ADAMTS17: variants seen among roughly 807,000 people sequenced by gnomAD.
The protein encoded by ADAMTS17 is ADAM metallopeptidase with thrombospondin type 1 motif 17, also known as A disintegrin and metalloproteinase with thrombospondin motifs 17.
In ADAMTS17, 113 loss-of-function variants were observed where a neutral mutation model predicts 141.5. The observed-to-expected ratio is 0.80, with a 90% confidence interval of 0.69 to 0.93. The LOEUF (loss-of-function observed/expected upper bound fraction) is 0.93. Ranked by LOEUF, ADAMTS17 falls within the 40% of genes least tolerant of loss-of-function variation. ADAMTS17 has a pLI of 0.00. For synonymous variants in ADAMTS17, 768 were observed against 630.6 expected (o/e 1.22, Z -3.27); for missense variants, 1,659 against 1,517.9 (o/e 1.09, Z -1.54).
At chr15:100,146,800 T>C (rs2038928540) in intron 10 of ADAMTS17, among the ~76,000 whole-genome samples, 2 of 43,762 alleles carry the variant, frequency 4.6e-5, no homozygotes, top group East Asian at 1.5e-3. Context: ...CCCCCCTGGG[T>C]GTGGTTGTCT....
intron 8 of ADAMTS17, among the ~76,000 whole-genome samples, chr15:100,175,455 A>G (rs2040305512): frequency 6.6e-6 from 1 of 152,126 alleles, no homozygotes; most frequent in South Asian, 2.1e-4. Context: ...TATGCCCCCC[A>G]GTCCCATGTT....
chr15:100,226,007 G>GC (rs1242919546), intron 7 of ADAMTS17, among the ~76,000 whole-genome samples: 6 of 139,092 alleles, frequency 4.3e-5, no homozygotes, highest in East Asian at 2.1e-4. Flanking sequence ...TAGCCTCTGT[G>GC]CCATTCAGTC....
chr15:100,148,484 G>T (rs929047997), intron 10 of ADAMTS17, among the ~76,000 whole-genome samples: 1 of 151,104 alleles, frequency 6.6e-6, no homozygotes, highest in Non-Finnish European at 1.5e-5. Flanking sequence ...AATTTTGAAA[G>T]ATATTTTTGC....
intron 13 of ADAMTS17, among the ~76,000 whole-genome samples, chr15:100,109,842 G>C (rs1596459210): frequency 6.6e-6 from 1 of 152,110 alleles, no homozygotes; most frequent in South Asian, 2.1e-4. Context: ...GCCTTCTACT[G>C]CCCTGGAAGC....
chr15:100,010,405 C>T (rs1032059424), intron 18 of ADAMTS17, among the ~76,000 whole-genome samples: 19 of 152,228 alleles, frequency 1.2e-4, no homozygotes, highest in Admixed American at 1.1e-3. Flanking sequence ...CCTTCCTTCT[C>T]TCCGTGGTGC....
At chr15:100,267,101 G>A (rs2043741550) in intron 4 of ADAMTS17, among the ~76,000 whole-genome samples, 1 of 152,068 alleles carries the variant, frequency 6.6e-6, no homozygotes, top group Non-Finnish European at 1.5e-5. Flanking sequence ...TAACCTCCAG[G>A]ACTCTTTTCA....
intron 14 of ADAMTS17, among the ~76,000 whole-genome samples, chr15:100,100,460 A>G (rs1252573606): frequency 3.3e-5 from 5 of 152,020 alleles, no homozygotes; most frequent in Non-Finnish European, 5.9e-5. Flanking sequence ...CTCCACTTTC[A>G]ATGCGACAGC....
intron 18 of ADAMTS17, among the ~76,000 whole-genome samples, chr15:100,005,205 T>C (rs960647390): frequency 2.0e-5 from 3 of 152,366 alleles, no homozygotes; most frequent in African/African-American, 7.2e-5. Flanking sequence ...CCTAATGAGA[T>C]GCCTCAGGCA....
At chr15:100,040,922 T>C (rs982720435) in intron 18 of ADAMTS17, among the ~76,000 whole-genome samples, 1 of 152,228 alleles carries the variant, frequency 6.6e-6, no homozygotes, top group Admixed American at 6.5e-5. Flanking sequence ...TTACCTATTT[T>C]ATTTTAGAAA....
intron 8 of ADAMTS17, among the ~76,000 whole-genome samples, chr15:100,172,012 A>G (rs1160426423): frequency 6.6e-6 from 1 of 152,206 alleles, no homozygotes; most frequent in Admixed American, 6.5e-5. Context: ...CACTTCCCCC[A>G]GCAACAATGT....
At chr15:100,124,127 C>A (rs2037596329) in intron 12 of ADAMTS17, among the ~76,000 whole-genome samples, 6 of 152,114 alleles carry the variant, frequency 3.9e-5, no homozygotes, top group Admixed American at 2.6e-4. Flanking sequence ...CCATGCCCGG[C>A]TAATTTTTTT....
intron 20 of ADAMTS17, among the ~76,000 whole-genome samples, chr15:99,992,245 A>G (rs1267188671): frequency 2.0e-5 from 3 of 152,152 alleles, no homozygotes; most frequent in African/African-American, 7.2e-5. Flanking sequence ...GCAAAAACCA[A>G]TGGCTCTAGG....
rs139146989 is a variant in ADAMTS17 at position 100,262,173 on chromosome 15, G to GC, written c.873+178dup. ...TTAGGGTTCCCTGAGATTCTCAACA[G>GC]CCCCCCCTCACACCATGCTTCCGGT... On this transcript the variant is annotated intron_variant, in intron 5 of 21. Coordinates refer to ENST00000268070, the MANE Select transcript of ADAMTS17 (RefSeq NM_139057.4). 7.4e-3 allele frequency among the ~76,000 whole-genome samples: 1,130 copies of GC among 152,142 alleles called. 12 individuals carry two copies. Among genetic ancestry groups the GC allele is most frequent in the African/African-American group, 0.026 (1,062 of 41,518 alleles).
chr15:99,997,487 G>A lies in ADAMTS17; in HGVS notation c.2694C>T (p.Val898=), dbSNP rs748217171. Residue 898 remains valine, a synonymous_variant, in exon 19 of 22, where the codon GTC becomes GTT. Transcript: ENST00000268070. The surrounding 1 kb of genome is among the most constrained non-coding windows in gnomAD (Gnocchi z 4.7). The part of the protein sequence containing the change: ...CVYQLQNGTH[V]ATRPLYCPGP... ...CCGGGCAGTAGAGGGGCCGCGTAGC[G>A]ACGTGTGTGCCGTTCTGCAGCTGGT... The A allele has an allele frequency of 1.7e-5, 27 of 1,613,568 alleles. No homozygotes were observed. The South Asian group carries it at 1.8e-4, about 10-fold the overall frequency.
intron 15 of ADAMTS17, among the ~76,000 whole-genome samples, chr15:100,067,378 C>T (rs972397208): frequency 1.3e-5 from 2 of 152,276 alleles, no homozygotes. Flanking sequence ...AGTAGCCTAT[C>T]TGTCTCAGCA....
At chr15:100,018,366 G>A (rs2061333620) in intron 18 of ADAMTS17, among the ~76,000 whole-genome samples, 3 of 152,202 alleles carry the variant, frequency 2.0e-5, no homozygotes, top group Non-Finnish European at 4.4e-5. Context: ...TCCCGATATG[G>A]GTTGGCTCTG....
chr15:100,248,256 ACTAG>A (rs2043047083), intron 7 of ADAMTS17, among the ~76,000 whole-genome samples: 1 of 152,158 alleles, frequency 6.6e-6, no homozygotes, highest in African/African-American at 2.4e-5. Flanking sequence ...CAAAAAGAAG[ACTAG>A]CTTGATTTAG....
chr15:100,023,292 C>G (rs556426456), intron 18 of ADAMTS17, among the ~76,000 whole-genome samples: 2 of 152,004 alleles, frequency 1.3e-5, no homozygotes, highest in East Asian at 3.9e-4. Flanking sequence ...ACCTCTGTCT[C>G]CTGGGTTCAA....
chr15:100,079,057 T>G (rs951974121), intron 15 of ADAMTS17, among the ~76,000 whole-genome samples: 2 of 152,108 alleles, frequency 1.3e-5, no homozygotes, highest in African/African-American at 4.8e-5. Flanking sequence ...CAAAAAACAG[T>G]AAGTTGGAGA....
Sources: allele counts gnomAD v4.1 joint callset (sites outside exome capture counted in the v4.1 genomes callset), GRCh38; gene constraint gnomAD v4.1.1; non-coding constraint Gnocchi (gnomAD v3.1); transcripts MANE v1.5; gene names NCBI Gene and HGNC (gene_info 2026-07-23, HGNC 2026-07-21).